Variants in TCTN2 observed in about 807,000 individuals in gnomAD.
The protein encoded by TCTN2 is tectonic family member 2.
A neutral mutation model predicts 83.4 loss-of-function variants in TCTN2; 66 were observed. The ratio of observed to expected loss-of-function variants is 0.79; its 90% CI spans 0.65 to 0.97. TCTN2 has a LOEUF of 0.97. Ranked by LOEUF, TCTN2 falls within the 50% of genes least tolerant of loss-of-function variation. The probability of loss-of-function intolerance (pLI) is 0.00; values close to 1 mark genes in which losing one functional copy is unlikely to be tolerated. For missense variants in TCTN2, 794 were observed against 858.1 expected (o/e 0.93, Z 0.93); for synonymous variants, 301 against 326.7 (o/e 0.92, Z 0.85).
intron 17 of TCTN2, 48 bp from the exon 18 acceptor site, chr12:123,707,556 A>C (rs761079359): frequency 1.7e-5 from 26 of 1,559,836 alleles, no homozygotes; most frequent in Non-Finnish European, 2.2e-5. Context: ...CACTGTTATC[A>C]AAAGAGTTAA....
intron 4 of TCTN2, among the ~76,000 whole-genome samples, chr12:123,676,566 TAAAAAAAAAAAAAA>T (rs60100973): frequency 1.6e-5 from 1 of 60,698 alleles, no homozygotes; most frequent in African/African-American, 6.3e-5. Context: ...AGACTCCATC[TAAAAAAAAAAAAAA>T]AAAAAAAAAA....
intron 11 of TCTN2, 24 bp from the exon 12 acceptor site, chr12:123,696,391 C>T (rs770745923): frequency 8.8e-6 from 14 of 1,599,444 alleles, no homozygotes; most frequent in South Asian, 4.4e-5. Context: ...AACAGGCTCA[C>T]GTTCCTTTGT....
intron 9 of TCTN2, among the ~76,000 whole-genome samples, chr12:123,694,104 C>T (rs1956079384): frequency 6.6e-6 from 1 of 151,800 alleles, no homozygotes; most frequent in African/African-American, 2.4e-5. Flanking sequence ...AACGATTCTT[C>T]TGCCTCAGCC....
rs544354669 is a variant in TCTN2, at chr12:123,699,997, A to C, written c.1612+187A>C. On this transcript the variant is annotated intron_variant, in intron 14 of 17. Transcript: ENST00000303372. ...GCATGTCTTTTTCTTCTTATTCACA[A>C]TGACTTTTTTGATTTTCTGTTTTTG... is the stretch of plus-strand genomic sequence containing the variant. The C allele has an allele frequency of 1.2e-4, 80 of 653,124 alleles. No individual in the cohort carries two copies. The African/African-American group carries it at 1.4e-3, about 11-fold the overall frequency. 40.5% of individuals were successfully genotyped at this position (653,124 alleles called of 1,614,324 possible).
In TCTN2 at chr12:123,706,814, A is replaced by G. The variant is rs1013709998; in HGVS notation, c.1858A>G (p.Ile620Val). Residue 620 changes from isoleucine (I) to valine (V), a missense_variant, in exon 16 of 18, where the codon ATT (isoleucine) becomes GTT (valine). Coordinates refer to ENST00000303372, the MANE Select transcript of TCTN2 (RefSeq NM_024809.5). The part of the protein sequence containing the change: ...LLPISASVQF[I>V]KIPAQLPHPL... The stretch of plus-strand genomic sequence containing the variant: ...CCCTATCAGTGCATCCGTCCAGTTT[A>G]TTAAAATTCCTGCACAGTTACCCCA... The G allele has an allele frequency of 6.2e-7, 1 of 1,614,184 alleles. No homozygotes were observed.
chr12:123,672,220 G>GGAGAAAGCCAT, intron 3 of TCTN2, 88 bp downstream of exon 3: 1 of 1,155,910 alleles, frequency 8.7e-7, no homozygotes, highest in Non-Finnish European at 1.3e-6. Flanking sequence ...AACAAGGCAT[G>GGAGAAAGCCAT]GCTTTCTCCA....
intron 5 of TCTN2, among the ~76,000 whole-genome samples, chr12:123,681,745 C>T (rs1261282290): frequency 6.6e-6 from 1 of 152,090 alleles, no homozygotes; most frequent in East Asian, 1.9e-4. Context: ...TTCCATTTCT[C>T]TTGGGGATAT....
At chr12:123,691,971 G>A (rs935067999) in intron 8 of TCTN2, among the ~76,000 whole-genome samples, 1 of 150,080 alleles carries the variant, frequency 6.7e-6, no homozygotes, top group African/African-American at 2.5e-5. Flanking sequence ...CTCGGCTCAC[G>A]GCAACCTCCA....
At chr12:123,679,046 C>G in intron 4 of TCTN2, 143 bp from the exon 5 acceptor site, 2 of 690,258 alleles carry the variant, frequency 2.9e-6, no homozygotes, top group Non-Finnish European at 5.3e-6. Flanking sequence ...ATCCACCTGC[C>G]TTGGCCTCCC....
intron 14 of TCTN2, among the ~76,000 whole-genome samples, chr12:123,703,030 C>T (rs894687172): frequency 6.6e-6 from 1 of 152,090 alleles, no homozygotes; most frequent in Non-Finnish European, 1.5e-5. Flanking sequence ...TGGGTTTTCT[C>T]CAAGACGAAT....
chr12:123,689,419 C>T (rs1956015529), intron 7 of TCTN2, among the ~76,000 whole-genome samples: 1 of 152,170 alleles, frequency 6.6e-6, no homozygotes, highest in Admixed American at 6.5e-5. Context: ...AACTCCTGGC[C>T]TCGAAATTCT....
chr12:123,700,320 A>G (rs2135853663), intron 14 of TCTN2, among the ~76,000 whole-genome samples: 1 of 152,292 alleles, frequency 6.6e-6, no homozygotes, highest in East Asian at 1.9e-4. Flanking sequence ...CGCCTGGCCA[A>G]CAACAGTCTT....
intron 14 of TCTN2, among the ~76,000 whole-genome samples, chr12:123,701,226 G>A (rs1326142489): frequency 6.6e-6 from 1 of 152,208 alleles, no homozygotes; most frequent in African/African-American, 2.4e-5. Context: ...CAGCAGATTA[G>A]TGGATGCCGG....
intron 5 of TCTN2, among the ~76,000 whole-genome samples, chr12:123,684,030 G>A (rs894179032): frequency 2.0e-5 from 3 of 152,150 alleles, no homozygotes; most frequent in Non-Finnish European, 4.4e-5. Flanking sequence ...TCTCGTATTT[G>A]GGTGAGGACA....
At position 123,671,323 on chromosome 12, in the gene TCTN2, G is replaced by T; in HGVS notation, c.82+1G>T. 3 of 1,613,736 alleles carry T rather than the reference G, an allele frequency of 1.9e-6. No homozygotes were observed. The highest frequency in any genetic ancestry group is 2.5e-6 in the Non-Finnish European group (3 of 1,179,936). On this transcript the variant is annotated splice_donor_variant, in intron 1 of 17. Coordinates refer to ENST00000303372, the MANE Select transcript of TCTN2 (RefSeq NM_024809.5). LOFTEE classifies it high-confidence loss of function. ...CTGAGGCTTCTGTGGGGGGACCTGG[G>T]TGTGTACGGCGCGGCAGTGACCTCG...
chr12:123,685,945 G>C (rs1302821383), intron 5 of TCTN2, among the ~76,000 whole-genome samples: 1 of 150,210 alleles, frequency 6.7e-6, no homozygotes, highest in South Asian at 2.1e-4. Context: ...TGCCTAGGCT[G>C]GTCTCAAACT....
intron 3 of TCTN2, 140 bp from the exon 4 acceptor site, chr12:123,673,475 T>C (rs1356875736): frequency 1.2e-6 from 1 of 816,548 alleles, no homozygotes; most frequent in South Asian, 1.5e-5. Context: ...GAACTGAAGA[T>C]AACTGTGTCA....
intron 14 of TCTN2, among the ~76,000 whole-genome samples, chr12:123,700,639 G>T (rs1488889463): frequency 6.6e-6 from 1 of 152,072 alleles, no homozygotes; most frequent in African/African-American, 2.4e-5. Flanking sequence ...CACCATGTTG[G>T]CCAGGCTGGT....
chr12:123,705,161 G>GTTT (rs71308014), intron 15 of TCTN2, among the ~76,000 whole-genome samples: 1,528 of 117,664 alleles, frequency 0.013, 68 homozygotes, highest in African/African-American at 0.045. Flanking sequence ...GCCTCCATCA[G>GTTT]TTTTTTTTTT....
Sources: gnomAD v4.1 joint callset for allele counts (sites outside exome capture counted in the v4.1 genomes callset) on GRCh38, gnomAD v4.1.1 for gene constraint, MANE v1.5 for transcripts, NCBI Gene and HGNC (gene_info 2026-07-23, HGNC 2026-07-21) for gene names.